CFAP92: variants seen among roughly 807,000 people sequenced by gnomAD.
CFAP92 encodes uncharacterized protein CFAP92.
CFAP92 carries 86 observed loss-of-function variants against 106.3 expected under a neutral mutation model. The observed-to-expected ratio is 0.81, with a 90% CI of 0.68 to 0.97. CFAP92 has a LOEUF of 0.97. CFAP92 is among the 50% of genes least tolerant of loss of function. CFAP92 has a pLI of 0.00. For missense variants in CFAP92, 1,204 were observed against 1,283.8 expected, an observed-to-expected ratio of 0.94 and a Z score of 0.95; for synonymous variants, 477 against 506.4, an observed-to-expected ratio of 0.94 and a Z score of 0.78.
At chr3:128,928,959 G>C (rs757846496) in intron 12 of CFAP92, among the ~76,000 whole-genome samples, 22 of 152,088 alleles carry the variant, frequency 1.4e-4, no homozygotes, top group Non-Finnish European at 3.1e-4. Flanking sequence ...ATTTTAAAAT[G>C]GATAAATGAT....
intron 9 of CFAP92, among the ~76,000 whole-genome samples, chr3:128,953,555 A>G (rs1029040495): frequency 7.9e-5 from 11 of 138,444 alleles, no homozygotes; most frequent in Admixed American, 1.4e-4. Flanking sequence ...TCGCTTAAGA[A>G]GCAGCAACAC....
rs551656268 is a variant in CFAP92, at chr3:128,935,709, T to C, written c.2259-390A>G. On this transcript the variant is annotated intron_variant, in intron 10 of 15. Transcript: ENST00000645291. ...CCTGGGTAACAAGAGCGAAACTCCG[T>C]CTCAAAACAAAAACAAAACAAAAAA... Among the ~76,000 whole-genome samples, 6 of 151,748 alleles carry C rather than the reference T, an allele frequency of 4.0e-5. No individual in the cohort carries two copies. The East Asian group carries it at 1.2e-3, about 29-fold the overall frequency.
At chr3:129,010,741 G>A in the CFAP92 span, among the ~76,000 whole-genome samples, 4 of 152,192 alleles carry the variant, frequency 2.6e-5, no homozygotes, top group South Asian at 2.1e-4. This position sits in a 1 kb window ranked among gnomAD's most constrained non-coding sequence, Gnocchi z 4.3. Context: ...GGGAGGCCTC[G>A]GATTCCATCG....
At chr3:128,950,249 A>G (rs369331682) in intron 9 of CFAP92, among the ~76,000 whole-genome samples, 15 of 152,166 alleles carry the variant, frequency 9.9e-5, no homozygotes, top group East Asian at 3.9e-4. Flanking sequence ...GGAACTAGGA[A>G]AGCCCTGTAG....
At chr3:128,975,655 T>C (rs1043672518) in intron 7 of CFAP92, 124 bp downstream of exon 7, 47 of 863,024 alleles carry the variant, frequency 5.4e-5, no homozygotes, top group Non-Finnish European at 8.0e-5. Flanking sequence ...ACAGTACTCT[T>C]ACTTTTGAGA....
chr3:128,943,604 C>T lies in CFAP92; in HGVS notation c.2258+1467G>A, dbSNP rs550117652. 1.6e-4 allele frequency among the ~76,000 whole-genome samples: 24 copies of T among 151,704 alleles called. No homozygotes were observed. In the East Asian group the frequency reaches 1.8e-3, roughly 11 times the overall value. Reference sequence around the variant, plus strand: ...AGGCTGGAGTGCAGTGGCACGATCTCGGCTCACCGCAACCTCCCTCTCCAG... The same window carrying T: ...AGGCTGGAGTGCAGTGGCACGATCTTGGCTCACCGCAACCTCCCTCTCCAG... On this transcript the variant is annotated intron_variant, in intron 10 of 15. Transcript: ENST00000645291.
intron 12 of CFAP92, among the ~76,000 whole-genome samples, chr3:128,931,511 A>G (rs1576424027): frequency 2.4e-5 from 3 of 122,652 alleles, no homozygotes; most frequent in African/African-American, 1.0e-4. Flanking sequence ...ATATATGTAT[A>G]TATATGTATG....
chr3:129,013,150 G>T, the CFAP92 span, among the ~76,000 whole-genome samples: 154 of 152,104 alleles, frequency 1.0e-3, no homozygotes, highest in Admixed American at 1.9e-3. Context: ...ACCCAAGCCG[G>T]GTGAGCTCTG....
At chr3:128,994,453 C>T (rs2107830073), upstream of CFAP92, among the ~76,000 whole-genome samples, 1 of 152,282 alleles carries the variant, frequency 6.6e-6, no homozygotes, top group South Asian at 2.1e-4. Flanking sequence ...CCAGACCTCC[C>T]CACGATCCCT....
chr3:129,002,360 C>T (rs568317888), intron 1 of CFAP92: 4 of 1,492,096 alleles, frequency 2.7e-6, no homozygotes, highest in East Asian at 2.8e-5. Flanking sequence ...TGGTAACGCC[C>T]GGGAGAGGGC....
chr3:129,003,436 G>C (rs1576691884), upstream of CFAP92: 1 of 307,700 alleles, frequency 3.2e-6, no homozygotes, highest in Non-Finnish European at 4.7e-6. Flanking sequence ...TAGGAGATGA[G>C]GAACCGCCAC....
intron 12 of CFAP92, among the ~76,000 whole-genome samples, chr3:128,930,094 G>T (rs1048895570): frequency 1.3e-5 from 2 of 152,126 alleles, no homozygotes; most frequent in Admixed American, 6.5e-5. Flanking sequence ...TAGCAAATTT[G>T]TAAGAGATAG....
At chr3:128,915,930 G>C (rs16852253) in intron 13 of CFAP92, 177 bp downstream of exon 13, 12 of 446,334 alleles carry the variant, frequency 2.7e-5, no homozygotes, top group Non-Finnish European at 4.2e-5. Flanking sequence ...AGGTGTGGAG[G>C]ATTCACATTT....
chr3:128,940,857 C>A (rs1489593502), intron 10 of CFAP92, among the ~76,000 whole-genome samples: 1 of 151,694 alleles, frequency 6.6e-6, no homozygotes, highest in Non-Finnish European at 1.5e-5. Context: ...ATTCCAACAG[C>A]TTTTAAAGTA....
At chr3:128,933,732 C>T (rs149415562) in intron 11 of CFAP92, among the ~76,000 whole-genome samples, 2 of 152,288 alleles carry the variant, frequency 1.3e-5, no homozygotes, top group Non-Finnish European at 2.9e-5. Flanking sequence ...CTTCTGTTTC[C>T]TTCATAGAAC....
intron 9 of CFAP92, among the ~76,000 whole-genome samples, chr3:128,953,618 T>C (rs1340545020): frequency 0.019 from 1,174 of 61,512 alleles, 70 homozygotes; most frequent in African/African-American, 0.081. Flanking sequence ...CCTCTCCCTC[T>C]CCCTCCCTCT....
At chr3:129,022,124 T>G in the CFAP92 span, among the ~76,000 whole-genome samples, 5 of 152,200 alleles carry the variant, frequency 3.3e-5, no homozygotes, top group South Asian at 4.1e-4. Context: ...GTCATTTTTT[T>G]GTCATATCTA....
chr3:128,997,541 T>C (rs994118623), upstream of CFAP92, among the ~76,000 whole-genome samples: 12 of 152,382 alleles, frequency 7.9e-5, no homozygotes, highest in African/African-American at 2.9e-4. Flanking sequence ...AGACATTTCC[T>C]ATAAATTGAG....
intron 15 of CFAP92, among the ~76,000 whole-genome samples, chr3:128,911,861 A>C (rs1936364310): frequency 6.6e-6 from 1 of 152,152 alleles, no homozygotes; most frequent in African/African-American, 2.4e-5. Context: ...ATCCAAAATG[A>C]CCCTGCAGTG....
Sources: allele counts gnomAD v4.1 joint callset (sites outside exome capture counted in the v4.1 genomes callset), GRCh38; gene constraint gnomAD v4.1.1; non-coding constraint Gnocchi (gnomAD v3.1); transcripts MANE v1.5; gene names NCBI Gene and HGNC (gene_info 2026-07-23, HGNC 2026-07-21).